TAFA4: variants seen among roughly 807,000 people sequenced by gnomAD.
TAFA4 encodes the protein TAFA chemokine like family member 4, also known as chemokine-like protein TAFA-4.
In TAFA4, 20 loss-of-function variants were observed where a neutral mutation model predicts 21.1. The observed-to-expected ratio is 0.95, with a 90% confidence interval of 0.67 to 1.38. The LOEUF (loss-of-function observed/expected upper bound fraction) is 1.38, where lower values mean the gene tolerates loss of function less well. TAFA4 is among the 40% of genes most tolerant of loss of function. TAFA4 has a pLI of 0.00. For synonymous variants in TAFA4, 71 were observed against 67.4 expected (o/e 1.05, Z -0.26); for missense variants, 211 against 180.9 (o/e 1.17, Z -0.95).
intron 1 of TAFA4, among the ~76,000 whole-genome samples, chr3:68,899,831 C>T (rs931097009): frequency 1.3e-5 from 2 of 151,988 alleles, no homozygotes; most frequent in African/African-American, 4.8e-5. Context: ...ACTATTCATC[C>T]CCAAAAGAAG....
At chr3:68,736,382 T>C (rs1379537476) in intron 5 of TAFA4, among the ~76,000 whole-genome samples, 1 of 152,180 alleles carries the variant, frequency 6.6e-6, no homozygotes, top group Non-Finnish European at 1.5e-5. Context: ...GCCAATATTT[T>C]ATACCTGGAA....
intron 1 of TAFA4, among the ~76,000 whole-genome samples, chr3:68,927,252 T>C (rs974944866): frequency 6.6e-6 from 1 of 152,216 alleles, no homozygotes; most frequent in Admixed American, 6.5e-5. Context: ...TACAGTGTAC[T>C]GCAGACTTAT....
At chr3:68,897,958 T>C (rs12635949) in intron 1 of TAFA4, among the ~76,000 whole-genome samples, 42,949 of 152,068 alleles carry the variant, frequency 0.28, 7,130 homozygotes, top group East Asian at 0.61. Flanking sequence ...ATTCATTGAC[T>C]GATTTCCTGG....
At chr3:68,754,022 C>T (rs946553958) in intron 3 of TAFA4, among the ~76,000 whole-genome samples, 1 of 152,238 alleles carries the variant, frequency 6.6e-6, no homozygotes, top group Non-Finnish European at 1.5e-5. Context: ...TAACAGACTT[C>T]ACCCAGGTTC....
At chr3:68,793,921 G>T (rs1314976608) in intron 3 of TAFA4, among the ~76,000 whole-genome samples, 2 of 152,156 alleles carry the variant, frequency 1.3e-5, no homozygotes, top group African/African-American at 4.8e-5. Flanking sequence ...TCAAGACACT[G>T]GAATTTTGAA....
chr3:68,852,778 TC>T (rs1704980189), intron 3 of TAFA4, among the ~76,000 whole-genome samples: 1 of 152,104 alleles, frequency 6.6e-6, no homozygotes, highest in Non-Finnish European at 1.5e-5. Context: ...GTCACCCTTA[TC>T]TTAGCATTGT....
At chr3:68,763,075 C>G (rs1702785224) in intron 3 of TAFA4, among the ~76,000 whole-genome samples, 1 of 152,156 alleles carries the variant, frequency 6.6e-6, no homozygotes. Flanking sequence ...TGTTTGAGAG[C>G]TGCTTGAACA....
At chr3:68,734,332 A>G (rs774341448) in intron 5 of TAFA4, among the ~76,000 whole-genome samples, 1 of 152,118 alleles carries the variant, frequency 6.6e-6, no homozygotes, top group Non-Finnish European at 1.5e-5. Context: ...CCTATTCCAG[A>G]GGAAGAGGTT....
chr3:68,926,120 T>A (rs1038963193), intron 1 of TAFA4, among the ~76,000 whole-genome samples: 2 of 151,622 alleles, frequency 1.3e-5, no homozygotes, highest in African/African-American at 4.8e-5. Flanking sequence ...TACTCCCAGC[T>A]ACTCAGGAGG....
At chr3:68,848,426 A>G (rs1704861872) in intron 3 of TAFA4, among the ~76,000 whole-genome samples, 1 of 152,180 alleles carries the variant, frequency 6.6e-6, no homozygotes, top group African/African-American at 2.4e-5. Flanking sequence ...TTTAGACACA[A>G]GATATAACTG....
chr3:68,873,337 T>TACACACACACACACACACACACACACAC lies in TAFA4; in HGVS notation c.130+7365_130+7392dup, dbSNP rs34998311. Among the ~76,000 whole-genome samples, 46 of 133,506 alleles carry TACACACACACACACACACACACACACAC rather than the reference T, an allele frequency of 3.4e-4. 1 individual carries two copies. The highest frequency in any genetic ancestry group is 1.7e-3 in the East Asian group (6 of 3,552). The allele number at this position is 133,506 out of a possible 152,430, so 87.6% of individuals were successfully genotyped here. A position where few individuals can be genotyped will look rare whatever the true frequency, so the allele number is the denominator to read the frequency against. ...CACAACAGACAGACACACGCAGACA[T>TACACACACACACACACACACACACACAC]ACACACACACACACACACACACACA... is the stretch of plus-strand genomic sequence containing the variant. On this transcript the variant is annotated intron_variant, in intron 3 of 5. Transcript: ENST00000295569.
chr3:68,850,072 T>C (rs17048059), intron 3 of TAFA4, among the ~76,000 whole-genome samples: 47,847 of 152,056 alleles, frequency 0.31, 8,081 homozygotes, highest in Non-Finnish European at 0.38. Context: ...ATTGCCTCTT[T>C]TCCCATGAAA....
intron 3 of TAFA4, among the ~76,000 whole-genome samples, chr3:68,827,663 T>A (rs770762684): frequency 6.6e-6 from 1 of 152,244 alleles, no homozygotes; most frequent in Non-Finnish European, 1.5e-5. Context: ...TTCATATGTT[T>A]GTTGGCTGCA....
intron 3 of TAFA4, among the ~76,000 whole-genome samples, chr3:68,857,955 T>C (rs1029061907): frequency 2.0e-5 from 3 of 152,168 alleles, no homozygotes; most frequent in African/African-American, 7.2e-5. Flanking sequence ...CTCCATCTCA[T>C]CCCATCATTC....
intron 1 of TAFA4, among the ~76,000 whole-genome samples, chr3:68,890,148 C>T (rs1427807934): frequency 1.3e-5 from 2 of 151,960 alleles, no homozygotes; most frequent in Non-Finnish European, 2.9e-5. Context: ...TTTAAGAAAA[C>T]ATGAGCGGGA....
rs576395042 is a variant in TAFA4 at position 68,871,938 on chromosome 3, C to A, written c.130+8792G>T. On this transcript the variant is annotated intron_variant, in intron 3 of 5. Coordinates refer to ENST00000295569, the MANE Select transcript of TAFA4 (RefSeq NM_182522.5). Reference sequence around the variant, plus strand: ...AAGAATGTGGAGAAAGGAGAACACTCATACATCATTGGGGGAATGTAGATT... The same window carrying A: ...AAGAATGTGGAGAAAGGAGAACACTAATACATCATTGGGGGAATGTAGATT... 1.6e-3 allele frequency among the ~76,000 whole-genome samples: 240 copies of A among 152,088 alleles called. 3 individuals are homozygous for A. Among genetic ancestry groups the A allele is most frequent in the Middle Eastern group, 3.4e-3 (1 of 294 alleles).
At chr3:68,748,020 A>T (rs1254337289) in intron 4 of TAFA4, among the ~76,000 whole-genome samples, 2 of 151,926 alleles carry the variant, frequency 1.3e-5, no homozygotes, top group Non-Finnish European at 1.5e-5. Flanking sequence ...CTAAATTCAG[A>T]CTCATTGCTT....
At chr3:68,800,858 G>C (rs927237471) in intron 3 of TAFA4, among the ~76,000 whole-genome samples, 1 of 152,172 alleles carries the variant, frequency 6.6e-6, no homozygotes, top group African/African-American at 2.4e-5. Context: ...AACAAGACAG[G>C]GAACTGAAAA....
rs540624994 is a variant in TAFA4, at chr3:68,811,508, C to T, written c.131-58490G>A. Among the ~76,000 whole-genome samples, 12 of 151,880 alleles carry T rather than the reference C, an allele frequency of 7.9e-5. No homozygotes were observed. In the East Asian group the frequency reaches 1.4e-3, roughly 17 times the overall value. On this transcript the variant is annotated intron_variant, in intron 3 of 5. Transcript: ENST00000295569. ...CCTGATGGAGCTGAAAACCATGGCA[C>T]GAGAACTACATGATGAATGCACAAG...
Sources: gnomAD v4.1 joint callset for allele counts (sites outside exome capture counted in the v4.1 genomes callset) on GRCh38, gnomAD v4.1.1 for gene constraint, MANE v1.5 for transcripts, NCBI Gene and HGNC (gene_info 2026-07-23, HGNC 2026-07-21) for gene names.